The following ZFP82 variants were observed in gnomAD, a reference collection of about 807,000 sequenced individuals.
The protein encoded by ZFP82 is zinc finger protein 82 homolog.
ZFP82 carries 30 observed loss-of-function variants against 54.0 expected under a neutral mutation model. The ratio of observed to expected loss-of-function variants is 0.56; its 90% CI spans 0.42 to 0.75. The LOEUF is 0.75. Among genes scored for constraint, ZFP82 ranks in the 30% least tolerant of loss-of-function variants. ZFP82 has a pLI of 0.00. For synonymous variants in ZFP82, 194 were observed against 209.5 expected, an observed-to-expected ratio of 0.93 and a Z score of 0.64; for missense variants, 500 against 636.8, an observed-to-expected ratio of 0.79 and a Z score of 2.31.
At chr19:36,394,412 T>G in intron 4 of ZFP82, 1 of 306,918 alleles carries the variant, frequency 3.3e-6, no homozygotes, top group Non-Finnish European at 6.0e-6. Context: ...CCAAACCACC[T>G]GGATCAGACT....
At chr19:36,405,171 C>T (rs1347139614) in intron 4 of ZFP82, among the ~76,000 whole-genome samples, 3 of 122,806 alleles carry the variant, frequency 2.4e-5, no homozygotes, top group Admixed American at 1.0e-4. Context: ...GCAACAAGAG[C>T]GAAACTGCAT....
At chr19:36,412,797 A>G (rs2032602716) in intron 1 of ZFP82, among the ~76,000 whole-genome samples, 1 of 152,216 alleles carries the variant, frequency 6.6e-6, no homozygotes, top group Non-Finnish European at 1.5e-5. Context: ...TCGTGACCTG[A>G]CAATGCTTGC....
chr19:36,409,991 G>A (rs753128081), intron 1 of ZFP82, 124 bp from the exon 2 acceptor site: 92 of 567,810 alleles, frequency 1.6e-4, no homozygotes, highest in Non-Finnish European at 2.4e-4. Context: ...ACACACACGC[G>A]CGCACACACA....
Position 36,392,682 on chromosome 19 carries a change from A to C in ZFP82, c.*59T>G. 1 of 1,447,684 alleles carries C rather than the reference A, an allele frequency of 6.9e-7. No homozygotes were observed. Among genetic ancestry groups the C allele is most frequent in the Non-Finnish European group, 9.1e-7 (1 of 1,094,542 alleles). The allele number at this position is 1,447,684 out of a possible 1,614,324, so 89.7% of individuals were successfully genotyped here. ...CAACGCAGTTGCATGTATGGAGCAA[A>C]ATAGATTAATTACTACATTCATAGA... On this transcript the variant is annotated 3_prime_UTR_variant, in exon 5 of 5. Transcript: ENST00000392161.
chr19:36,392,823 T>C lies in ZFP82; in HGVS notation c.1517A>G (p.Tyr506Cys), dbSNP rs1193802416. ...GGCCTTCTTACATTCCTTACATTCATAGGGTTTCTCACCAGAATGAATTCT... is the reference window on the plus strand; with the variant it reads ...GGCCTTCTTACATTCCTTACATTCACAGGGTTTCTCACCAGAATGAATTCT... ...HLRIHSGEKP[Y>C]ECKECKKAFR... The change falls in exon 5 of 5, where the codon TAT becomes TGT. Residue 506 changes from tyrosine to cysteine, a missense_variant. Physicochemically the swap from Tyr to Cys is radical, Grantham distance 194. Transcript: ENST00000392161. 1.2e-5 allele frequency: 20 copies of C among 1,613,372 alleles called. No individual in the cohort carries two copies. The highest frequency in any genetic ancestry group is 1.6e-5 in the Non-Finnish European group (19 of 1,179,622).
chr19:36,407,358 G>A (rs1315925611), intron 3 of ZFP82, among the ~76,000 whole-genome samples: 2 of 152,108 alleles, frequency 1.3e-5, no homozygotes, highest in Non-Finnish European at 2.9e-5. Context: ...TTACAGGCGT[G>A]AGCCACCGCG....
rs1417701521 is a variant in ZFP82 at position 36,393,399 on chromosome 19, T to G, written c.941A>C (p.Glu314Ala). Residue 314 changes from glutamate (E) to alanine (A), a missense_variant, in exon 5 of 5, where the codon GAA becomes GCA. Transcript: ENST00000392161. ...NSADRLYECK[E>A]CGKAFLCGSG... is the part of the protein sequence containing the mutation. Reference sequence around the variant, plus strand: ...GCCACACAAAAAGGCCTTCCCACATTCTTTGCATTCATAGAGCCTGTCAGC... The same window carrying G: ...GCCACACAAAAAGGCCTTCCCACATGCTTTGCATTCATAGAGCCTGTCAGC... 1 of 1,614,078 alleles carries G rather than the reference T, an allele frequency of 6.2e-7. No homozygotes were observed. Among genetic ancestry groups the G allele is most frequent in the African/African-American group, 1.3e-5 (1 of 75,018 alleles).
At chr19:36,386,393 G>T (rs1014438823), downstream of ZFP82, among the ~76,000 whole-genome samples, 1 of 152,210 alleles carries the variant, frequency 6.6e-6, no homozygotes, top group Admixed American at 6.5e-5. Flanking sequence ...TAGCCTGGGG[G>T]CCCAGTCAGA....
At chr19:36,387,479 T>G (rs1265076425), downstream of ZFP82, among the ~76,000 whole-genome samples, 1 of 152,166 alleles carries the variant, frequency 6.6e-6, no homozygotes, top group Admixed American at 6.5e-5. Context: ...CCTCTCTCTC[T>G]CTTATCCTCT....
At chr19:36,412,358 G>A (rs944131475) in intron 1 of ZFP82, among the ~76,000 whole-genome samples, 6 of 152,108 alleles carry the variant, frequency 3.9e-5, no homozygotes, top group African/African-American at 1.4e-4. Flanking sequence ...ATAGTGGAAA[G>A]CGTTCTTTAA....
In ZFP82 at chr19:36,393,536, T is replaced by C. The variant is rs2032241905; in HGVS notation, c.804A>G (p.Gln268=). 3 of 1,613,998 alleles carry C rather than the reference T, an allele frequency of 1.9e-6. No individual in the cohort carries two copies. The highest frequency in any genetic ancestry group is 2.5e-6 in the Non-Finnish European group (3 of 1,180,022). The change falls in exon 5 of 5, where the codon CAA becomes CAG. Residue 268 remains glutamine (Q), a synonymous_variant. Coordinates refer to ENST00000392161, the MANE Select transcript of ZFP82 (RefSeq NM_133466.4). Reference sequence around the variant, plus strand: ...TATGAATCCTCTGATGCAGAGTAAGTTGTCCTCGTACCCTAAAAGCCTTCC... The same window carrying C: ...TATGAATCCTCTGATGCAGAGTAAGCTGTCCTCGTACCCTAAAAGCCTTCC... The part of the protein sequence containing the change: ...ECGKAFRVRG[Q]LTLHQRIHTG...
At chr19:36,410,251 G>A (rs1443676424) in intron 1 of ZFP82, among the ~76,000 whole-genome samples, 6 of 152,112 alleles carry the variant, frequency 3.9e-5, no homozygotes, top group Non-Finnish European at 8.8e-5. Flanking sequence ...AATCCTCTGG[G>A]CTCATCACTC....
intron 4 of ZFP82, among the ~76,000 whole-genome samples, chr19:36,399,737 T>C (rs1370587873): frequency 1.3e-5 from 2 of 152,190 alleles, no homozygotes; most frequent in African/African-American, 4.8e-5. Flanking sequence ...AAATTGAACA[T>C]TTTGGAAAAC....
At chr19:36,406,296 A>C (rs937973563) in intron 3 of ZFP82, among the ~76,000 whole-genome samples, 3 of 152,196 alleles carry the variant, frequency 2.0e-5, no homozygotes, top group Non-Finnish European at 2.9e-5. Context: ...GTACAATTCA[A>C]TGATTTTTAG....
intron 4 of ZFP82, 88 bp from the exon 5 acceptor site, chr19:36,394,198 G>C: frequency 8.2e-7 from 1 of 1,226,394 alleles, no homozygotes; most frequent in Non-Finnish European, 1.1e-6. Flanking sequence ...GACAACAAAA[G>C]TAATCCTTAA....
rs373296227 is a variant in ZFP82 at position 36,390,329 on chromosome 19, G to GCCTTTTTTTTTTTTTTTTTTTTTTTTTT, written c.*2411_*2412insAAAAAAAAAAAAAAAAAAAAAAAAAAGG. 8.3e-6 allele frequency: 1 copy of GCCTTTTTTTTTTTTTTTTTTTTTTTTTT among 120,376 alleles called. No individual in the cohort carries two copies. The allele number at this position is 120,376 out of a possible 1,614,324, so 7.5% of individuals were successfully genotyped here. A position where few individuals can be genotyped will look rare whatever the true frequency, so the allele number is the denominator to read the frequency against. Reference sequence around the variant, plus strand: ...CTTTAAAGTGTAGGATTCCATTTTTGTCTTTTTTTTTTTTTTTTTTGACAT... The same window carrying GCCTTTTTTTTTTTTTTTTTTTTTTTTTT: ...CTTTAAAGTGTAGGATTCCATTTTTGCCTTTTTTTTTTTTTTTTTTTTTTTTTTTCTTTTTTTTTTTTTTTTTTGACAT... On this transcript the variant is annotated 3_prime_UTR_variant, in exon 5 of 5. Transcript: ENST00000392161.
rs771573954 is a variant in ZFP82 at position 36,393,649 on chromosome 19, A to T, written c.691T>A (p.Cys231Ser). 2 of 1,614,050 alleles carry T rather than the reference A, an allele frequency of 1.2e-6. No individual in the cohort carries two copies. The highest frequency in any genetic ancestry group is 1.7e-6 in the Non-Finnish European group (2 of 1,180,002). The part of the protein sequence containing the change: ...SGEKLYECKE[C>S]GEAFICGADL... ...GCACCACATATGAAAGCTTCCCCAC[A>T]TTCCTTACATTCATAGAGTTTTTCA... is the stretch of plus-strand genomic sequence containing the variant. The change falls in exon 5 of 5, where the codon TGT becomes AGT. Residue 231 changes from cysteine to serine, a missense_variant. Coordinates refer to ENST00000392161, the MANE Select transcript of ZFP82 (RefSeq NM_133466.4).
At position 36,392,926 on chromosome 19, in the gene ZFP82, G is replaced by C. The variant is rs375799561; in HGVS notation, c.1414C>G (p.His472Asp). 1.2e-5 allele frequency: 20 copies of C among 1,613,638 alleles called. No individual in the cohort carries two copies. The highest frequency in any genetic ancestry group is 1.6e-5 in the Non-Finnish European group (19 of 1,179,864). The change falls in exon 5 of 5, where the codon CAT (histidine) becomes GAT (aspartate). Residue 472 changes from histidine (H) to aspartate (D), a missense_variant. Coordinates refer to ENST00000392161, the MANE Select transcript of ZFP82 (RefSeq NM_133466.4). ...CACTCAAAGGGTTTTTCGCCAGTAT[G>C]AATGCTCTGATGTAGAGTAAGTTTT... Reference protein sequence around the residue: ...RQKLTLHQSIHTGEKPFECKE... With the variant: ...RQKLTLHQSIDTGEKPFECKE...
chr19:36,403,627 A>AAG (rs1050409949), intron 4 of ZFP82, among the ~76,000 whole-genome samples: 1 of 151,574 alleles, frequency 6.6e-6, no homozygotes, highest in Admixed American at 6.6e-5. Flanking sequence ...CGCAAGAAAA[A>AAG]AAAAAAAAAA....
Sources: allele counts gnomAD v4.1 joint callset (sites outside exome capture counted in the v4.1 genomes callset), GRCh38; gene constraint gnomAD v4.1.1; transcripts MANE v1.5; gene names NCBI Gene and HGNC (gene_info 2026-07-23, HGNC 2026-07-21).